Variants in DLG2 observed in about 807,000 individuals in gnomAD.
DLG2 encodes discs large MAGUK scaffold protein 2, also known as disks large homolog 2.
In DLG2, 45 loss-of-function variants were observed where a neutral mutation model predicts 132.5. That is an observed-to-expected ratio of 0.34 (90% CI 0.27 to 0.44). The LOEUF is 0.44. DLG2 is among the 20% of genes least tolerant of loss of function. The probability of loss-of-function intolerance (pLI) is 1.00; values close to 1 mark genes in which losing one functional copy is unlikely to be tolerated. For missense variants in DLG2, 1,045 were observed against 1,196.9 expected (o/e 0.87, Z 1.87); for synonymous variants, 424 against 419.6 (o/e 1.01, Z -0.13).
intron 7 of DLG2, among the ~76,000 whole-genome samples, chr11:84,296,431 T>C (rs1399980044): frequency 6.6e-6 from 1 of 152,100 alleles, no homozygotes; most frequent in Non-Finnish European, 1.5e-5. Flanking sequence ...TCCAGAGATG[T>C]ACTTATGATT....
At chr11:85,519,679 A>T (rs988639177) in intron 3 of DLG2, among the ~76,000 whole-genome samples, 1 of 152,184 alleles carries the variant, frequency 6.6e-6, no homozygotes, top group Admixed American at 6.5e-5. Flanking sequence ...AAATGTGAGG[A>T]CATAAGATTT....
chr11:84,833,219 T>G (rs1158917220), intron 6 of DLG2, among the ~76,000 whole-genome samples: 2 of 151,520 alleles, frequency 1.3e-5, no homozygotes, highest in African/African-American at 2.4e-5. Flanking sequence ...CCCCAACCCT[T>G]CACTTTCCCA....
intron 16 of DLG2, among the ~76,000 whole-genome samples, chr11:83,842,523 C>CAAAAA (rs771360645): frequency 1.1e-4 from 8 of 70,288 alleles, no homozygotes; most frequent in East Asian, 4.4e-4. Flanking sequence ...GAACCTGTCT[C>CAAAAA]AAAAAAAAAA....
chr11:84,394,096 C>T (rs745923726), intron 7 of DLG2, among the ~76,000 whole-genome samples: 2 of 152,132 alleles, frequency 1.3e-5, no homozygotes, highest in East Asian at 1.9e-4. Flanking sequence ...AGGCTGGTCT[C>T]GAACTCCTGA....
chr11:84,760,834 G>A (rs2067524659), intron 6 of DLG2, among the ~76,000 whole-genome samples: 1 of 152,108 alleles, frequency 6.6e-6, no homozygotes, highest in African/African-American at 2.4e-5. Flanking sequence ...CACTGGGCCG[G>A]CGACAGTCAG....
At chr11:83,968,212 T>C (rs1424323873) in intron 12 of DLG2, among the ~76,000 whole-genome samples, 1 of 152,192 alleles carries the variant, frequency 6.6e-6, no homozygotes, top group East Asian at 1.9e-4. Context: ...CTATTCGTAA[T>C]CTTTATTATT....
chr11:84,256,500 A>T (rs1022457268), intron 7 of DLG2, among the ~76,000 whole-genome samples: 1 of 152,238 alleles, frequency 6.6e-6, no homozygotes, highest in Non-Finnish European at 1.5e-5. Flanking sequence ...AGAAATTAAC[A>T]GTAACACTCA....
chr11:85,612,487 T>A (rs1394415739), intron 2 of DLG2, among the ~76,000 whole-genome samples: 4 of 152,278 alleles, frequency 2.6e-5, no homozygotes, highest in South Asian at 2.1e-4. Context: ...GTGCGAGCTG[T>A]TTGCACTCAG....
intron 7 of DLG2, among the ~76,000 whole-genome samples, chr11:84,455,266 T>G (rs1438428409): frequency 6.6e-6 from 1 of 151,478 alleles, no homozygotes. Flanking sequence ...GTGTTAACAA[T>G]GTATTTTGGG....
At chr11:84,436,196 A>G (rs2099000307) in intron 7 of DLG2, among the ~76,000 whole-genome samples, 7 of 152,150 alleles carry the variant, frequency 4.6e-5, no homozygotes, top group Admixed American at 4.6e-4. Context: ...CTCATCCACC[A>G]AAAGTGTTAT....
intron 18 of DLG2, among the ~76,000 whole-genome samples, chr11:83,753,871 ATATGATATATAT>A (rs1229553240): frequency 2.2e-5 from 2 of 90,618 alleles, no homozygotes; most frequent in African/African-American, 1.5e-4. Context: ...TATTTCATAT[ATATGATATATAT>A]CATATATATC....
At chr11:83,503,699 A>G (rs2094563345) in intron 21 of DLG2, among the ~76,000 whole-genome samples, 1 of 151,952 alleles carries the variant, frequency 6.6e-6, no homozygotes, top group Non-Finnish European at 1.5e-5. Flanking sequence ...AGCTGGTTAG[A>G]TGGTACCCAC....
intron 3 of DLG2, among the ~76,000 whole-genome samples, chr11:85,415,206 T>C (rs1023515073): frequency 6.6e-6 from 1 of 152,230 alleles, no homozygotes; most frequent in Admixed American, 6.5e-5. Context: ...TTTTTATGGC[T>C]GCATAGTATT....
rs189266356 is a variant in DLG2, at chr11:83,458,729, G to A, written c.*1089C>T. 41 of 152,346 alleles carry A rather than the reference G, an allele frequency of 2.7e-4. No homozygotes were observed. The highest frequency in any genetic ancestry group is 2.2e-3 in the Admixed American group (33 of 15,306). The allele number at this position is 152,346 out of a possible 1,614,324, so 9.4% of individuals were successfully genotyped here. On this transcript the variant is annotated 3_prime_UTR_variant, in exon 28 of 28. Coordinates refer to ENST00000376104, the MANE Select transcript of DLG2 (RefSeq NM_001142699.3). ...ATGGCAGGCTCAGGTTATTTAACTA[G>A]AGGAAAGCAAAAACTTCCCTTTAGA...
intron 7 of DLG2, chr11:84,273,335 C>T: frequency 7.6e-7 from 1 of 1,322,874 alleles, no homozygotes; most frequent in Non-Finnish European, 9.7e-7. Context: ...AAAAACCCTG[C>T]AGATCTGTTA....
In DLG2 at chr11:83,529,311, A is replaced by C. The variant is rs547613436; in HGVS notation, c.2193+3397T>G. 2.0e-5 allele frequency among the ~76,000 whole-genome samples: 3 copies of C among 151,472 alleles called. No individual in the cohort carries two copies. In the South Asian group the frequency reaches 6.3e-4, roughly 32 times the overall value. Reference sequence around the variant, plus strand: ...GGCATCTCCTGACCCAGCTTTCCCAACTCTCCACATAGTTGTTCTCTCCTT... The same window carrying C: ...GGCATCTCCTGACCCAGCTTTCCCACCTCTCCACATAGTTGTTCTCTCCTT... On this transcript the variant is annotated intron_variant, in intron 21 of 27. Coordinates refer to ENST00000376104, the MANE Select transcript of DLG2 (RefSeq NM_001142699.3).
intron 6 of DLG2, among the ~76,000 whole-genome samples, chr11:84,998,223 T>A (rs558222053): frequency 2.0e-5 from 3 of 152,118 alleles, no homozygotes. Context: ...TGAATTGTAA[T>A]CCCCATAATC....
chr11:84,885,702 T>C (rs569649691), intron 6 of DLG2, among the ~76,000 whole-genome samples: 3 of 152,152 alleles, frequency 2.0e-5, no homozygotes, highest in East Asian at 1.9e-4. Context: ...ACCTGGTGCA[T>C]AGTAGGTATT....
At chr11:83,797,061 G>A (rs1333906490) in intron 17 of DLG2, among the ~76,000 whole-genome samples, 1 of 152,100 alleles carries the variant, frequency 6.6e-6, no homozygotes, top group Non-Finnish European at 1.5e-5. Context: ...GGGGAGATTG[G>A]GGTGAGGAGA....
Sources: allele counts gnomAD v4.1 joint callset (sites outside exome capture counted in the v4.1 genomes callset), GRCh38; gene constraint gnomAD v4.1.1; transcripts MANE v1.5; gene names NCBI Gene and HGNC (gene_info 2026-07-23, HGNC 2026-07-21).